The following EFS variants were observed in gnomAD, a reference collection of about 807,000 sequenced individuals.
EFS encodes the protein Cas scaffolding protein family member 3.
A neutral mutation model predicts 42.2 loss-of-function variants in EFS; 34 were observed. That is an observed-to-expected ratio of 0.81 (90% CI 0.61 to 1.07). EFS has a LOEUF of 1.07. EFS is among the 50% of genes least tolerant of loss of function. The probability of loss-of-function intolerance (pLI) is 0.00; values close to 1 mark genes in which losing one functional copy is unlikely to be tolerated. For synonymous variants in EFS, 299 were observed against 320.7 expected, an observed-to-expected ratio of 0.93 and a Z score of 0.72; for missense variants, 717 against 729.4, an observed-to-expected ratio of 0.98 and a Z score of 0.20.
chr14:23,357,398 C>T lies in EFS; in HGVS notation c.1514G>A (p.Arg505Lys), dbSNP rs1338343861. 6.2e-7 allele frequency: 1 copy of T among 1,611,078 alleles called. No individual in the cohort carries two copies. The highest frequency in any genetic ancestry group is 8.5e-7 in the Non-Finnish European group (1 of 1,178,400). ...CTGGCCCAGTGCTGTACCTGCAGCC[C>T]TGACCTGTGCTCTCAGAGGGGCAGA... is the stretch of plus-strand genomic sequence containing the variant. ...AASAPLRAQV[R>K]AAGTALGQAL... The change falls in exon 6 of 6, where the codon AGG becomes AAG. Residue 505 changes from arginine (R) to lysine (K), a missense_variant. Coordinates refer to ENST00000216733, the MANE Select transcript of EFS (RefSeq NM_005864.4).
Position 23,357,336 on chromosome 14 carries a change from C to A in EFS, c.1576G>T (p.Ala526Ser). ...RATVLAVKGA[A>S]LGYPSSPAIQ... The stretch of plus-strand genomic sequence containing the variant: ...GCAGGGCTGGATGGGTAGCCCAGGG[C>A]AGCTCCCTTGACAGCCAGCACAGTG... The change falls in exon 6 of 6, where the codon GCC becomes TCC. Residue 526 changes from alanine to serine, a missense_variant. Physicochemically the swap from Ala to Ser is moderately conservative, Grantham distance 99 (BLOSUM62 1). Coordinates refer to ENST00000216733, the MANE Select transcript of EFS (RefSeq NM_005864.4). The A allele has an allele frequency of 6.2e-7, 1 of 1,611,784 alleles. No homozygotes were observed. Among genetic ancestry groups the A allele is most frequent in the Non-Finnish European group, 8.5e-7 (1 of 1,178,330 alleles).
chr14:23,361,972 CTCAA>C (rs1255520348), intron 1 of EFS, among the ~76,000 whole-genome samples: 1 of 152,218 alleles, frequency 6.6e-6, no homozygotes, highest in African/African-American at 2.4e-5. Flanking sequence ...AGCCTGCGCT[CTCAA>C]TCACTTGTGC....
chr14:23,359,219 G>A, intron 4 of EFS, 98 bp downstream of exon 4: 1 of 1,541,346 alleles, frequency 6.5e-7, no homozygotes. Flanking sequence ...GGGACAGAAG[G>A]GAGGCAGGGA....
At position 23,359,351 on chromosome 14, in the gene EFS, G is replaced by A. The variant is rs754269591; in HGVS notation, c.1127C>T (p.Pro376Leu). Residue 376 changes from proline (P) to leucine (L), a missense_variant, in exon 4 of 6, where the codon CCG becomes CTG. By Grantham distance (98) the Pro-to-Leu change is moderately conservative. Coordinates refer to ENST00000216733, the MANE Select transcript of EFS (RefSeq NM_005864.4). ...AGHHNEYEGI[P>L]MAEEYDYVHL... ...GACATAGTCATACTCCTCGGCCATC[G>A]GAATGCCCTCGTACTCATTGTGGTG... The A allele has an allele frequency of 6.8e-6, 11 of 1,613,186 alleles. No individual in the cohort carries two copies. The highest frequency in any genetic ancestry group is 1.7e-4 in the Middle Eastern group (1 of 5,982).
chr14:23,358,839 CT>C (rs768787397), intron 5 of EFS, 36 bp downstream of exon 5: 1 of 1,567,028 alleles, frequency 6.4e-7, no homozygotes, highest in Non-Finnish European at 8.7e-7. Context: ...CCTCCCTCCC[CT>C]GTCCCCTTCT....
chr14:23,364,199 G>C (rs1373202291), intron 1 of EFS, among the ~76,000 whole-genome samples: 3 of 152,222 alleles, frequency 2.0e-5, no homozygotes, highest in Middle Eastern at 3.2e-3. Context: ...TGGGGCTGTA[G>C]AGCGCTCCTC....
At chr14:23,359,265 C>T (rs1254747331) in intron 4 of EFS, 52 bp downstream of exon 4, 20 of 1,610,522 alleles carry the variant, frequency 1.2e-5, no homozygotes, top group Non-Finnish European at 1.7e-5. Flanking sequence ...CCACACCCCT[C>T]CCCTTGGTCC....
intron 1 of EFS, among the ~76,000 whole-genome samples, chr14:23,362,379 C>A (rs1382227236): frequency 2.6e-5 from 4 of 152,180 alleles, no homozygotes; most frequent in Non-Finnish European, 1.5e-5. Context: ...CCACCAGACC[C>A]TGGGGAGAAG....
chr14:23,362,364 G>A (rs544647690), intron 1 of EFS, among the ~76,000 whole-genome samples: 3 of 152,298 alleles, frequency 2.0e-5, no homozygotes, highest in African/African-American at 7.2e-5. Context: ...ATCTCAGGCA[G>A]GCTGCCACCA....
intron 2 of EFS, 92 bp downstream of exon 2, chr14:23,360,463 C>T: frequency 6.7e-7 from 1 of 1,502,910 alleles, no homozygotes; most frequent in African/African-American, 1.4e-5. Flanking sequence ...CCTCAGGGCT[C>T]TTCCTGCCCA....
rs958791555 is a variant in EFS at position 23,357,226 on chromosome 14, T to C, written c.1686A>G (p.Ter562TrpextTer27). ...FTTLLTSLAP* is the reference protein window; with the variant it reads ...FTTLLTSLAPW ...GGAGCAGAGCTGTGCCAAAGGACCTTCATGGAGCCAGGCTAGTGAGCAGGG... is the reference window on the plus strand; with the variant it reads ...GGAGCAGAGCTGTGCCAAAGGACCTCCATGGAGCCAGGCTAGTGAGCAGGG... The change falls in exon 6 of 6, where the codon TGA (stop) becomes TGG (tryptophan). Residue 562 changes from the stop codon to tryptophan, a stop_lost. Coordinates refer to ENST00000216733, the MANE Select transcript of EFS (RefSeq NM_005864.4). The C allele has an allele frequency of 6.5e-7, 1 of 1,536,666 alleles. No individual in the cohort carries two copies. The highest frequency in any genetic ancestry group is 1.4e-5 in the African/African-American group (1 of 73,398).
Position 23,360,739 on chromosome 14 carries a change from T to A in EFS, c.113A>T (p.Glu38Val). ...RGDVLRVLQR[E>V]GAGGLDGWCL... Reference sequence around the variant, plus strand: ...CCAGCCGTCCAGTCCACCAGCGCCCTCTCTCTGCAGGACCCGTAGGACATC... The same window carrying A: ...CCAGCCGTCCAGTCCACCAGCGCCCACTCTCTGCAGGACCCGTAGGACATC... The change falls in exon 2 of 6, where the codon GAG becomes GTG. Residue 38 changes from glutamate to valine, a missense_variant. By Grantham distance (121) the Glu-to-Val change is moderately radical. Transcript: ENST00000216733. The A allele has an allele frequency of 6.2e-7, 1 of 1,613,924 alleles. No homozygotes were observed. The highest frequency in any genetic ancestry group is 8.5e-7 in the Non-Finnish European group (1 of 1,179,966).
chr14:23,357,626 G>A lies in EFS; in HGVS notation c.1286C>T (p.Ser429Phe). Residue 429 changes from serine (S) to phenylalanine (F), a missense_variant, in exon 6 of 6, where the codon TCC (serine) becomes TTC (phenylalanine). Transcript: ENST00000216733. ...ALSPGEPLVV[S>F]TGDLQLLYFY... ...GTACAGGAGCTGCAGATCTCCGGTG[G>A]ACACAACCAGTGGCTCCCCTGGGGA... The A allele has an allele frequency of 6.4e-7, 1 of 1,554,802 alleles. No homozygotes were observed. The highest frequency in any genetic ancestry group is 8.7e-7 in the Non-Finnish European group (1 of 1,143,294).
chr14:23,360,390 G>A lies in EFS; in HGVS notation c.298-109C>T. On this transcript the variant is annotated intron_variant, in intron 2 of 5. Coordinates refer to ENST00000216733, the MANE Select transcript of EFS (RefSeq NM_005864.4). ...CTTCTAACTCTCCCTGTATCGAGAG[G>A]GCCACAGCTCAGAAAGGTTGGTAGA... 2.7e-6 allele frequency: 4 copies of A among 1,503,472 alleles called. No homozygotes were observed. In the South Asian group the frequency reaches 5.3e-5, roughly 20 times the overall value. 93.1% of individuals were successfully genotyped at this position (1,503,472 alleles called of 1,614,324 possible).
chr14:23,361,481 T>A lies in EFS; in HGVS notation c.19-648A>T, dbSNP rs1222903590. The stretch of plus-strand genomic sequence containing the variant: ...TTTGCTCTCAGTCTGAGCAAATAAG[T>A]TTCTACCAGAAGAGGCTGAGGTTAC... On this transcript the variant is annotated intron_variant, in intron 1 of 5. Coordinates refer to ENST00000216733, the MANE Select transcript of EFS (RefSeq NM_005864.4). Among the ~76,000 whole-genome samples the A allele has an allele frequency of 2.0e-5, 3 of 152,140 alleles. No individual in the cohort carries two copies. The East Asian group carries it at 5.8e-4, about 29-fold the overall frequency.
rs1188248917 is a variant in EFS, at chr14:23,363,629, C to T, written c.18+1379G>A. On this transcript the variant is annotated intron_variant, in intron 1 of 5. Transcript: ENST00000216733. ...AGCTAGGGTTTCCTGGCCATCGTTA[C>T]AGATTGAGGAACTAAAAGGAATTTG... Among the ~76,000 whole-genome samples the T allele has an allele frequency of 2.0e-5, 3 of 152,192 alleles. No individual in the cohort carries two copies. The East Asian group carries it at 5.8e-4, about 29-fold the overall frequency.
At position 23,359,997 on chromosome 14, in the gene EFS, C is replaced by T. The variant is rs141605780; in HGVS notation, c.481G>A (p.Gly161Ser). 72 of 1,600,494 alleles carry T rather than the reference C, an allele frequency of 4.5e-5. 1 individual carries two copies. In the African/African-American group the frequency reaches 8.4e-4, roughly 19 times the overall value. Reference sequence around the variant, plus strand: ...AAGGAGGCAGGGCAGTCATAGGGGCCACTGGAGGGCACCCGGAGGGCGGTG... The same window carrying T: ...AAGGAGGCAGGGCAGTCATAGGGGCTACTGGAGGGCACCCGGAGGGCGGTG... ...PPTALRVPSS[G>S]PYDCPASFSH... The change falls in exon 4 of 6, where the codon GGC (glycine) becomes AGC (serine). Residue 161 changes from glycine (G) to serine (S), a missense_variant. Gly to Ser is a moderately conservative substitution (Grantham distance 56, BLOSUM62 0). Transcript: ENST00000216733.
chr14:23,364,481 C>T (rs1394308705), intron 1 of EFS, among the ~76,000 whole-genome samples: 1 of 152,212 alleles, frequency 6.6e-6, no homozygotes, highest in Non-Finnish European at 1.5e-5. Flanking sequence ...CTCTGGCTGA[C>T]ATCACCTCCC....
At position 23,359,902 on chromosome 14, in the gene EFS, C is replaced by A; in HGVS notation, c.576G>T (p.Leu192=). The change falls in exon 4 of 6, where the codon CTG becomes CTT. Residue 192 remains leucine, a synonymous_variant. Transcript: ENST00000216733. ...GEDDAPYDVP[L]TPKPPAELEP... is the part of the protein sequence containing the mutation. ...CCAGCTCTGCAGGTGGCTTTGGGGT[C>A]AGAGGCACATCATAGGGAGCATCAT... 6.5e-7 allele frequency: 1 copy of A among 1,537,704 alleles called. No homozygotes were observed. Among genetic ancestry groups the A allele is most frequent in the Non-Finnish European group, 8.7e-7 (1 of 1,144,026 alleles).
Sources: gnomAD v4.1 joint callset for allele counts (sites outside exome capture counted in the v4.1 genomes callset) on GRCh38, gnomAD v4.1.1 for gene constraint, MANE v1.5 for transcripts, NCBI Gene and HGNC (gene_info 2026-07-23, HGNC 2026-07-21) for gene names.